PTPRG: variants seen among roughly 807,000 people sequenced by gnomAD.
The protein encoded by PTPRG is protein tyrosine phosphatase receptor type G, also known as receptor-type tyrosine-protein phosphatase gamma.
A neutral mutation model predicts 165.3 loss-of-function variants in PTPRG; 102 were observed. That is an observed-to-expected ratio of 0.62 (90% CI 0.53 to 0.73). The LOEUF (loss-of-function observed/expected upper bound fraction) is 0.73. Among genes scored for constraint, PTPRG ranks in the 30% least tolerant of loss-of-function variants. PTPRG has a pLI of 0.00. For missense variants in PTPRG, 1,866 were observed against 1,861.4 expected (o/e 1.00, Z -0.05); for synonymous variants, 675 against 669.5 (o/e 1.01, Z -0.13).
chr3:61,808,293 G>A (rs974546418), intron 2 of PTPRG, among the ~76,000 whole-genome samples: 1 of 152,180 alleles, frequency 6.6e-6, no homozygotes, highest in African/African-American at 2.4e-5. Context: ...AAGTTACAAA[G>A]GTGTTAGCTG....
intron 1 of PTPRG, among the ~76,000 whole-genome samples, chr3:61,600,722 T>C (rs1209723149): frequency 6.6e-6 from 1 of 152,120 alleles, no homozygotes; most frequent in Non-Finnish European, 1.5e-5. Flanking sequence ...AATTTTTTTG[T>C]GGAGATAGAG....
chr3:62,105,808 A>G (rs1296534577), intron 5 of PTPRG, among the ~76,000 whole-genome samples: 1 of 152,194 alleles, frequency 6.6e-6, no homozygotes, highest in Non-Finnish European at 1.5e-5. Flanking sequence ...CAGTTGCCCA[A>G]CATTCATATG....
At chr3:62,089,980 A>G (rs1226943230) in intron 5 of PTPRG, among the ~76,000 whole-genome samples, 1 of 152,220 alleles carries the variant, frequency 6.6e-6, no homozygotes, top group Non-Finnish European at 1.5e-5. Context: ...TCAACTGGCC[A>G]TTGTCAACCC....
Position 61,802,780 on chromosome 3 carries a change from G to A in PTPRG, c.190+53798G>A, listed in dbSNP as rs2035287439. Among the ~76,000 whole-genome samples the A allele has an allele frequency of 2.0e-5, 3 of 152,264 alleles. No homozygotes were observed. The South Asian group carries it at 6.2e-4, about 32-fold the overall frequency. ...GAGTGCTTGTGCACATGGCCATTAT[G>A]AGAAGGCCAGTTAGATTTCAGGAGT... On this transcript the variant is annotated intron_variant, in intron 2 of 29. Coordinates refer to ENST00000474889, the MANE Select transcript of PTPRG (RefSeq NM_002841.4).
At chr3:61,669,419 G>A (rs974283227) in intron 1 of PTPRG, among the ~76,000 whole-genome samples, 1 of 152,112 alleles carries the variant, frequency 6.6e-6, no homozygotes, top group Non-Finnish European at 1.5e-5. Context: ...CCCTAGTAAT[G>A]ACAGCACAGT....
intron 2 of PTPRG, among the ~76,000 whole-genome samples, chr3:61,931,082 G>C (rs2039350029): frequency 6.6e-6 from 1 of 152,054 alleles, no homozygotes; most frequent in Admixed American, 6.6e-5. Context: ...AGGGCCCAAA[G>C]CTCCTTCCTG....
chr3:62,121,892 A>G (rs1107092), intron 5 of PTPRG, among the ~76,000 whole-genome samples: 51,659 of 152,082 alleles, frequency 0.34, 9,180 homozygotes, highest in East Asian at 0.51. Context: ...TCTGCTACAA[A>G]TGGCACGTTC....
intron 2 of PTPRG, among the ~76,000 whole-genome samples, chr3:61,820,265 G>T (rs1032182588): frequency 1.3e-5 from 2 of 152,148 alleles, no homozygotes; most frequent in African/African-American, 4.8e-5. Flanking sequence ...TCTCTTGGAG[G>T]CCTGAAGAAA....
At position 62,136,236 on chromosome 3, in the gene PTPRG, C is replaced by T. The variant is rs373165957; in HGVS notation, c.682+3568C>T. ...TGAAGCTAGGCATTGAGACATGGAC[C>T]TGCCCTCACCATGTATGCATATGCT... On this transcript the variant is annotated intron_variant, in intron 6 of 29. Coordinates refer to ENST00000474889, the MANE Select transcript of PTPRG (RefSeq NM_002841.4). Among the ~76,000 whole-genome samples the T allele has an allele frequency of 5.9e-5, 9 of 152,264 alleles. No homozygotes were observed. In the East Asian group the frequency reaches 1.2e-3, roughly 20 times the overall value.
At chr3:62,165,215 A>G (rs183394437) in intron 7 of PTPRG, among the ~76,000 whole-genome samples, 195 of 152,282 alleles carry the variant, frequency 1.3e-3, no homozygotes, top group Middle Eastern at 6.8e-3. Flanking sequence ...CTTTCCTCAC[A>G]GGATTTTTTC....
At chr3:61,941,619 C>CAACAA (rs76713977) in intron 2 of PTPRG, among the ~76,000 whole-genome samples, 52,435 of 151,158 alleles carry the variant, frequency 0.35, 10,355 homozygotes, top group African/African-American at 0.53. Context: ...AACTCCATCT[C>CAACAA]AACAAAACAA....
intron 15 of PTPRG, among the ~76,000 whole-genome samples, chr3:62,247,205 T>C (rs1488638072): frequency 6.6e-6 from 1 of 151,986 alleles, no homozygotes; most frequent in Non-Finnish European, 1.5e-5. Flanking sequence ...GTTCAGAGAC[T>C]TTTTTTTAAT....
In PTPRG at chr3:62,148,699, T is replaced by C. The variant is rs1212720123; in HGVS notation, c.683-8368T>C. 3.3e-5 allele frequency among the ~76,000 whole-genome samples: 5 copies of C among 152,094 alleles called. No individual in the cohort carries two copies. In the East Asian group the frequency reaches 9.7e-4, roughly 29 times the overall value. On this transcript the variant is annotated intron_variant, in intron 6 of 29. Transcript: ENST00000474889. ...ATCACTTGAACTCAGAAGGTGGAGGTGGCAGTGAGCTGAGGTCACGCCACT... is the reference window on the plus strand; with the variant it reads ...ATCACTTGAACTCAGAAGGTGGAGGCGGCAGTGAGCTGAGGTCACGCCACT...
chr3:62,253,428 T>G (rs1237794702), intron 15 of PTPRG, among the ~76,000 whole-genome samples: 1 of 152,170 alleles, frequency 6.6e-6, no homozygotes, highest in East Asian at 1.9e-4. Flanking sequence ...ATTCTGTGGT[T>G]AGGTTGTGTC....
In PTPRG at chr3:62,193,788, C is replaced by T. The variant is rs187383348; in HGVS notation, c.1219-1274C>T. ...CCAGTTCAGAGGTTTTCAATAGCTG[C>T]GTTGGGAAAACCCACTCCCAATCGG... is the stretch of plus-strand genomic sequence containing the variant. On this transcript the variant is annotated intron_variant, in intron 9 of 29. Coordinates refer to ENST00000474889, the MANE Select transcript of PTPRG (RefSeq NM_002841.4). 4.4e-4 allele frequency among the ~76,000 whole-genome samples: 67 copies of T among 152,312 alleles called. 1 individual carries two copies. Among genetic ancestry groups the T allele is most frequent in the Non-Finnish European group, 6.3e-4 (43 of 68,020 alleles).
At chr3:61,746,689 A>T (rs2033220120) in intron 1 of PTPRG, among the ~76,000 whole-genome samples, 1 of 152,168 alleles carries the variant, frequency 6.6e-6, no homozygotes, top group African/African-American at 2.4e-5. Context: ...GGCCACGAGA[A>T]TGGTTAAAAG....
At chr3:61,805,977 C>G (rs1450019620) in intron 2 of PTPRG, among the ~76,000 whole-genome samples, 1 of 152,046 alleles carries the variant, frequency 6.6e-6, no homozygotes, top group East Asian at 1.9e-4. Context: ...CTCTCTTTGC[C>G]ATTTAAGAAA....
At chr3:61,710,364 C>A (rs1274881480) in intron 1 of PTPRG, among the ~76,000 whole-genome samples, 10 of 152,132 alleles carry the variant, frequency 6.6e-5, no homozygotes, top group Non-Finnish European at 1.5e-4. Context: ...GACCCCTTTC[C>A]ATGTCGAATC....
intron 2 of PTPRG, among the ~76,000 whole-genome samples, chr3:61,983,573 C>G (rs1040628225): frequency 5.3e-5 from 8 of 152,010 alleles, no homozygotes; most frequent in Non-Finnish European, 7.4e-5. Context: ...TTATTTGGAT[C>G]TATTGTGGTA....
Sources: gnomAD v4.1 joint callset for allele counts (sites outside exome capture counted in the v4.1 genomes callset) on GRCh38, gnomAD v4.1.1 for gene constraint, MANE v1.5 for transcripts, NCBI Gene and HGNC (gene_info 2026-07-23, HGNC 2026-07-21) for gene names.